The following CFL2 variants were observed in gnomAD, a reference collection of about 807,000 sequenced individuals.
CFL2 encodes cofilin 2, also known as cofilin-2.
Under a neutral mutation model 19.6 loss-of-function variants are expected in CFL2, and 10 were observed. That is an observed-to-expected ratio of 0.51 (90% CI 0.31 to 0.86). The LOEUF (loss-of-function observed/expected upper bound fraction) is 0.86. CFL2 is among the 40% of genes least tolerant of loss of function. CFL2 has a pLI of 0.04. For missense variants in CFL2, 125 were observed against 192.1 expected, an observed-to-expected ratio of 0.65 and a Z score of 2.06; for synonymous variants, 63 against 66.7, an observed-to-expected ratio of 0.95 and a Z score of 0.27.
intron 2 of CFL2, 30 bp downstream of exon 2, chr14:34,713,224 A>G (rs1448447200): frequency 1.9e-6 from 3 of 1,599,230 alleles, no homozygotes; most frequent in Non-Finnish European, 2.6e-6. Flanking sequence ...TTGCATTTTA[A>G]AAGTACTTTT....
Position 34,713,823 on chromosome 14 carries a change from A to G in CFL2, c.4-262T>C, listed in dbSNP as rs1004797977. The G allele has an allele frequency of 1.9e-6, 3 of 1,567,176 alleles. No individual in the cohort carries two copies. In the African/African-American group the frequency reaches 4.1e-5, roughly 21 times the overall value. On this transcript the variant is annotated intron_variant, in intron 1 of 3. Coordinates refer to ENST00000298159, the MANE Select transcript of CFL2 (RefSeq NM_138638.5). ...AAATACAAGTTGTCCCATCCCTGAA[A>G]TGTTTCCTATTTCACTGGGTGATGT...
chr14:34,711,583 A>T lies in CFL2; in HGVS notation c.*1282T>A, dbSNP rs1885295022. ...TAAACTTTTAAAGGACATTTTACAA[A>T]TTATTTTCATTACGACCAAATAAGC... is the stretch of plus-strand genomic sequence containing the variant. On this transcript the variant is annotated 3_prime_UTR_variant, in exon 4 of 4. Transcript: ENST00000298159. The T allele has an allele frequency of 2.2e-6, 1 of 453,968 alleles. No homozygotes were observed. Among genetic ancestry groups the T allele is most frequent in the African/African-American group, 2.0e-5 (1 of 49,972 alleles). The allele number at this position is 453,968 out of a possible 1,614,324, so 28.1% of individuals were successfully genotyped here. A position where few individuals can be genotyped will look rare whatever the true frequency, so the allele number is the denominator to read the frequency against.
chr14:34,714,486 G>C (rs1240542010), intron 1 of CFL2, 52 bp downstream of exon 1: 3 of 1,545,100 alleles, frequency 1.9e-6, no homozygotes, highest in Admixed American at 1.9e-5. Context: ...GGGGCCGTGC[G>C]GGGGGCTTTT....
intron 1 of CFL2, 168 bp from the exon 2 acceptor site, chr14:34,713,729 C>A (rs1019925102): frequency 2.6e-5 from 42 of 1,612,074 alleles, no homozygotes; most frequent in Admixed American, 3.3e-5. Context: ...GACGATACAG[C>A]GAAGGAGTCT....
At position 34,712,727 on chromosome 14, in the gene CFL2, T is replaced by A; in HGVS notation, c.*138A>T. Reference sequence around the variant, plus strand: ...TGATAGGCTGCTTAAATAAATGATATTTCCTTCATTCATTGTGTTGGAAGG... The same window carrying A: ...TGATAGGCTGCTTAAATAAATGATAATTCCTTCATTCATTGTGTTGGAAGG... On this transcript the variant is annotated 3_prime_UTR_variant, in exon 4 of 4. Coordinates refer to ENST00000298159, the MANE Select transcript of CFL2 (RefSeq NM_138638.5). The A allele has an allele frequency of 1.4e-6, 1 of 714,500 alleles. No homozygotes were observed. Among genetic ancestry groups the A allele is most frequent in the Non-Finnish European group, 2.6e-6 (1 of 385,628 alleles). The allele number at this position is 714,500 out of a possible 1,614,324, so 44.3% of individuals were successfully genotyped here. A position where few individuals can be genotyped will look rare whatever the true frequency, so the allele number is the denominator to read the frequency against.
rs1021620575 is a variant in CFL2, at chr14:34,710,041, A to G, written c.*2824T>C. On this transcript the variant is annotated 3_prime_UTR_variant, in exon 4 of 4. Coordinates refer to ENST00000298159, the MANE Select transcript of CFL2 (RefSeq NM_138638.5). ...ATTCCTTAACAAGAAAACACTTTTA[A>G]AAGAATTTCCTCCCAAAGCTTATTT... 2.6e-5 allele frequency: 4 copies of G among 152,810 alleles called. No homozygotes were observed. Among genetic ancestry groups the G allele is most frequent in the African/African-American group, 9.6e-5 (4 of 41,458 alleles). The allele number at this position is 152,810 out of a possible 1,614,324, so 9.5% of individuals were successfully genotyped here. A position where few individuals can be genotyped will look rare whatever the true frequency, so the allele number is the denominator to read the frequency against.
rs775410349 is a variant in CFL2 at position 34,713,387 on chromosome 14, T to C, written c.178A>G (p.Ile60Val). 3 of 1,614,160 alleles carry C rather than the reference T, an allele frequency of 1.9e-6. No individual in the cohort carries two copies. The highest frequency in any genetic ancestry group is 2.2e-5 in the East Asian group (1 of 44,874). The change falls in exon 2 of 4, where the codon ATT (isoleucine) becomes GTT (valine). Residue 60 changes from isoleucine (I) to valine (V), a missense_variant. By Grantham distance (29) the Ile-to-Val change is conservative. Transcript: ENST00000298159. ...TAGGGGTCCTCTACAGTATCACCAA[T>C]GTCACCCACCAAGATCTGCTTTGCT... ...EEAKQILVGD[I>V]GDTVEDPYTS...
At position 34,710,456 on chromosome 14, in the gene CFL2, A is replaced by G. The variant is rs1566522311; in HGVS notation, c.*2409T>C. The G allele has an allele frequency of 2.4e-6, 1 of 423,948 alleles. No individual in the cohort carries two copies. Among genetic ancestry groups the G allele is most frequent in the Admixed American group, 2.8e-5 (1 of 35,098 alleles). The allele number at this position is 423,948 out of a possible 1,614,324, so 26.3% of individuals were successfully genotyped here. ...TCTCAACAGCTTTACATATTTTCAT[A>G]TATTTTATTTTTTAAACTCTCATAA... On this transcript the variant is annotated 3_prime_UTR_variant, in exon 4 of 4. Transcript: ENST00000298159.
Position 34,710,993 on chromosome 14 carries a change from T to C in CFL2, c.*1872A>G. ...CCAAAAACCATCGAAATGTCCAGGA[T>C]AACTCACAGGGACAGCTGGAAGCCT... is the stretch of plus-strand genomic sequence containing the variant. On this transcript the variant is annotated 3_prime_UTR_variant, in exon 4 of 4. Transcript: ENST00000298159. The C allele has an allele frequency of 4.4e-6, 2 of 454,110 alleles. No homozygotes were observed. Among genetic ancestry groups the C allele is most frequent in the Non-Finnish European group, 8.8e-6 (2 of 226,800 alleles). 28.1% of individuals were successfully genotyped at this position (454,110 alleles called of 1,614,324 possible).
Position 34,713,239 on chromosome 14 carries a change from T to A in CFL2, c.311+15A>T. ...TTGCATTTTAAAAGTACTTTTTTCT[T>A]TTGTTTTTACACACCAGAATATAAA... is the stretch of plus-strand genomic sequence containing the variant. On this transcript the variant is annotated intron_variant, in intron 2 of 3. Coordinates refer to ENST00000298159, the MANE Select transcript of CFL2 (RefSeq NM_138638.5). 1 of 1,607,450 alleles carries A rather than the reference T, an allele frequency of 6.2e-7. No homozygotes were observed.
rs1278126065 is a variant in CFL2 at position 34,710,577 on chromosome 14, G to T, written c.*2288C>A. On this transcript the variant is annotated 3_prime_UTR_variant, in exon 4 of 4. Transcript: ENST00000298159. The stretch of plus-strand genomic sequence containing the variant: ...ACTGGAACATTGATTCATTATAAAT[G>T]ATTGTAAAATAAAATGATCATTTCA... 1 of 432,682 alleles carries T rather than the reference G, an allele frequency of 2.3e-6. No homozygotes were observed. Among genetic ancestry groups the T allele is most frequent in the East Asian group, 7.0e-5 (1 of 14,186 alleles). 26.8% of individuals were successfully genotyped at this position (432,682 alleles called of 1,614,324 possible).
chr14:34,714,438 G>C lies in CFL2; in HGVS notation c.3+100C>G. 2.0e-6 allele frequency: 3 copies of C among 1,468,760 alleles called. No individual in the cohort carries two copies. The Admixed American group carries it at 7.1e-5, about 35-fold the overall frequency. The allele number at this position is 1,468,760 out of a possible 1,614,324, so 91.0% of individuals were successfully genotyped here. On this transcript the variant is annotated intron_variant, in intron 1 of 3. Coordinates refer to ENST00000298159, the MANE Select transcript of CFL2 (RefSeq NM_138638.5). Reference sequence around the variant, plus strand: ...GCCGCAGAGCAGAAGCGCCCACCTTGGAGGCCAAAATCAGGTTAAAATGGC... The same window carrying C: ...GCCGCAGAGCAGAAGCGCCCACCTTCGAGGCCAAAATCAGGTTAAAATGGC...
chr14:34,713,476 T>C lies in CFL2; in HGVS notation c.89A>G (p.Lys30Arg), dbSNP rs756734750. 4 of 1,614,026 alleles carry C rather than the reference T, an allele frequency of 2.5e-6. No homozygotes were observed. The East Asian group carries it at 6.7e-5, about 27-fold the overall frequency. ...GAAGAGAACTGCTTTCTTTCTCTTT[T>C]TGATCTCCTCTTGTGTAGAAGATTT... Reference protein sequence around the residue: ...VRKSSTQEEIKKRKKAVLFCL... With the variant: ...VRKSSTQEEIRKRKKAVLFCL... The change falls in exon 2 of 4, where the codon AAA becomes AGA. Residue 30 changes from lysine to arginine, a missense_variant. Transcript: ENST00000298159.
chr14:34,714,133 C>T (rs1178688450), intron 1 of CFL2: 3 of 376,916 alleles, frequency 8.0e-6, no homozygotes, highest in African/African-American at 4.1e-5. Context: ...TCCTTAATCT[C>T]CCCGTAAGGG....
In CFL2 at chr14:34,711,184, T is replaced by A; in HGVS notation, c.*1681A>T. 2.2e-6 allele frequency: 1 copy of A among 453,664 alleles called. No individual in the cohort carries two copies. The highest frequency in any genetic ancestry group is 4.4e-6 in the Non-Finnish European group (1 of 226,534). The allele number at this position is 453,664 out of a possible 1,614,324, so 28.1% of individuals were successfully genotyped here. ...TTACTTCCACACATTCAAAAAAAAT[T>A]TTTAAGGGATATTTTCTTTCCTGTT... On this transcript the variant is annotated 3_prime_UTR_variant, in exon 4 of 4. Coordinates refer to ENST00000298159, the MANE Select transcript of CFL2 (RefSeq NM_138638.5).
rs759986387 is a variant in CFL2 at position 34,713,442 on chromosome 14, G to A, written c.123C>T (p.Ser41=). ...KRKKAVLFCL[S]DDKRQIIVEE... Reference sequence around the variant, plus strand: ...CTACAATTATTTGTCTTTTGTCATCGCTTAAACAGAAGAGAACTGCTTTCT... The same window carrying A: ...CTACAATTATTTGTCTTTTGTCATCACTTAAACAGAAGAGAACTGCTTTCT... The change falls in exon 2 of 4, where the codon AGC becomes AGT. Residue 41 remains serine, a synonymous_variant. Transcript: ENST00000298159. 3 of 1,613,758 alleles carry A rather than the reference G, an allele frequency of 1.9e-6. No individual in the cohort carries two copies. In the South Asian group the frequency reaches 3.3e-5, roughly 18 times the overall value.
At position 34,713,107 on chromosome 14, in the gene CFL2, T is replaced by C; in HGVS notation, c.341A>G (p.Lys114Arg). 2 of 1,581,980 alleles carry C rather than the reference T, an allele frequency of 1.3e-6. No individual in the cohort carries two copies. Among genetic ancestry groups the C allele is most frequent in the Non-Finnish European group, 1.7e-6 (2 of 1,163,072 alleles). ...ATCTTTAGAGCTAGCATAAATCATC[T>C]TGCTTTTTAAAGGTGCACTTTCAGG... ...WAPESAPLKS[K>R]MIYASSKDAI... The change falls in exon 3 of 4, where the codon AAG (lysine) becomes AGG (arginine). Residue 114 changes from lysine to arginine, a missense_variant. Coordinates refer to ENST00000298159, the MANE Select transcript of CFL2 (RefSeq NM_138638.5).
Position 34,712,582 on chromosome 14 carries a change from C to T in CFL2, c.*283G>A, listed in dbSNP as rs542748786. On this transcript the variant is annotated 3_prime_UTR_variant, in exon 4 of 4. Transcript: ENST00000298159. ...AGCTATTCACATTGACGATCACATA[C>T]ATTGTAGTGCTTGCTGCAAGGGAGG... is the stretch of plus-strand genomic sequence containing the variant. 7.1e-6 allele frequency: 4 copies of T among 560,998 alleles called. No individual in the cohort carries two copies. The highest frequency in any genetic ancestry group is 4.6e-5 in the South Asian group (3 of 65,478). 34.8% of individuals were successfully genotyped at this position (560,998 alleles called of 1,614,324 possible).
chr14:34,714,482 G>A (rs559662522), intron 1 of CFL2, 56 bp downstream of exon 1: 4 of 1,538,694 alleles, frequency 2.6e-6, no homozygotes, highest in East Asian at 5.1e-5. Flanking sequence ...TCCCGGGGCC[G>A]TGCGGGGGGC....
Sources: gnomAD v4.1 joint callset for allele counts on GRCh38, gnomAD v4.1.1 for gene constraint, MANE v1.5 for transcripts, NCBI Gene and HGNC (gene_info 2026-07-23, HGNC 2026-07-21) for gene names.